Variants in CHODL observed in about 807,000 individuals in gnomAD.
CHODL encodes transmembrane protein MT75.
In CHODL, 29 loss-of-function variants were observed where a neutral mutation model predicts 34.5. The observed-to-expected ratio is 0.84, with a 90% confidence interval of 0.63 to 1.15. The LOEUF (loss-of-function observed/expected upper bound fraction) is 1.15, where lower values mean the gene tolerates loss of function less well. CHODL is among the 50% of genes most tolerant of loss of function. CHODL has a pLI of 0.00. For synonymous variants in CHODL, 125 were observed against 116.1 expected, an observed-to-expected ratio of 1.08 and a Z score of -0.49; for missense variants, 332 against 332.5, an observed-to-expected ratio of 1.00 and a Z score of 0.01.
At position 18,036,003 on chromosome 21, in the gene CHODL, T is replaced by C. The variant is rs148128469; in HGVS notation, c.-45+8032T>C. Among the ~76,000 whole-genome samples the C allele has an allele frequency of 5.2e-3, 784 of 152,144 alleles. 4 individuals carry two copies. The highest frequency in any genetic ancestry group is 9.1e-3 in the Non-Finnish European group (616 of 67,942). On this transcript the variant is annotated intron_variant, in intron 2 of 6. Transcript: ENST00000400127. Reference sequence around the variant, plus strand: ...TAATTCTTACTTGGCTGACAGACATTATACATTTTATCTTGATTATTTTTA... The same window carrying C: ...TAATTCTTACTTGGCTGACAGACATCATACATTTTATCTTGATTATTTTTA...
At chr21:18,114,894 G>C (rs1416711857) in intron 2 of CHODL, 3 of 152,310 alleles carry the variant, frequency 2.0e-5, no homozygotes, top group Non-Finnish European at 4.4e-5. Flanking sequence ...GACAATTGCA[G>C]ATGTGTGAGT....
intron 2 of CHODL, among the ~76,000 whole-genome samples, chr21:18,096,738 C>T (rs998526111): frequency 6.6e-6 from 1 of 152,156 alleles, no homozygotes; most frequent in Non-Finnish European, 1.5e-5. Flanking sequence ...TTTGCTCTGG[C>T]CTTGTGATCT....
chr21:18,122,761 CAAAT>C, intron 2 of CHODL, among the ~76,000 whole-genome samples: 1 of 152,274 alleles, frequency 6.6e-6, no homozygotes, highest in Admixed American at 6.5e-5. Context: ...ATGCGTTCAT[CAAAT>C]AAATCCTGTA....
chr21:18,246,085 C>A (rs2074138335), intron 1 of CHODL: 4 of 719,666 alleles, frequency 5.6e-6, no homozygotes, highest in Admixed American at 4.2e-5. Context: ...TGTCGTTGAG[C>A]GATTTATATT....
chr21:17,972,160 G>T (rs993187292), intron 1 of CHODL, among the ~76,000 whole-genome samples: 1 of 152,060 alleles, frequency 6.6e-6, no homozygotes, highest in Non-Finnish European at 1.5e-5. Flanking sequence ...AAAATAATAA[G>T]AGCTATTTAT....
intron 5 of CHODL, among the ~76,000 whole-genome samples, chr21:18,265,601 A>G (rs1024758783): frequency 8.5e-5 from 13 of 152,110 alleles, no homozygotes; most frequent in African/African-American, 2.9e-4. Flanking sequence ...GGGTGCACCA[A>G]AATTTCACAA....
intron 2 of CHODL, among the ~76,000 whole-genome samples, chr21:18,065,576 A>G (rs549941569): frequency 3.9e-5 from 6 of 152,282 alleles, no homozygotes; most frequent in Middle Eastern, 3.4e-3. Context: ...AAACATTACA[A>G]TCCTGGAGAT....
At position 18,244,967 on chromosome 21, in the gene CHODL, C is replaced by T; in HGVS notation, c.-257C>T. Reference sequence around the variant, plus strand: ...TCGCCTCTAGGACATACACGGGACCCCCTAACTTCAGTCCCCCAAACGCGC... The same window carrying T: ...TCGCCTCTAGGACATACACGGGACCTCCTAACTTCAGTCCCCCAAACGCGC... On this transcript the variant is annotated 5_prime_UTR_variant, in exon 1 of 6. Transcript: ENST00000299295. 2.3e-6 allele frequency: 1 copy of T among 441,510 alleles called. No individual in the cohort carries two copies. The highest frequency in any genetic ancestry group is 3.9e-5 in the East Asian group (1 of 25,644). The allele number at this position is 441,510 out of a possible 1,614,324, so 27.3% of individuals were successfully genotyped here.
At chr21:18,151,082 CAAAAAAAA>C (rs61176066) in intron 2 of CHODL, among the ~76,000 whole-genome samples, 282 of 122,948 alleles carry the variant, frequency 2.3e-3, no homozygotes, top group Middle Eastern at 8.8e-3. Context: ...GACTCTGTGT[CAAAAAAAA>C]AAAAAAAAAA....
chr21:18,217,496 C>A (rs1358358378), intron 2 of CHODL, among the ~76,000 whole-genome samples: 1 of 152,080 alleles, frequency 6.6e-6, no homozygotes, highest in Non-Finnish European at 1.5e-5. Flanking sequence ...AACTGCCCCC[C>A]CGACTCAATA....
At chr21:17,949,014 A>T (rs546243082) in intron 1 of CHODL, among the ~76,000 whole-genome samples, 1 of 152,296 alleles carries the variant, frequency 6.6e-6, no homozygotes, top group Non-Finnish European at 1.5e-5. Flanking sequence ...TTGGATATGG[A>T]GTTAGAATAC....
chr21:18,260,449 A>C (rs1298952167), intron 4 of CHODL, among the ~76,000 whole-genome samples, 163 bp downstream of exon 4: 1 of 152,218 alleles, frequency 6.6e-6, no homozygotes, highest in Non-Finnish European at 1.5e-5. Flanking sequence ...AATTATGCTA[A>C]GCTAGTATTT....
intron 1 of CHODL, among the ~76,000 whole-genome samples, chr21:17,961,763 G>C (rs2063533725): frequency 6.6e-6 from 1 of 152,152 alleles, no homozygotes; most frequent in African/African-American, 2.4e-5. Context: ...TTTTGTTAAA[G>C]ACTAATATAC....
intron 2 of CHODL, among the ~76,000 whole-genome samples, chr21:18,094,127 G>T (rs1160351380): frequency 1.3e-5 from 2 of 151,904 alleles, no homozygotes; most frequent in African/African-American, 2.4e-5. Context: ...AGACAAAAAA[G>T]GTCACTATAT....
chr21:17,974,631 C>T (rs158610), intron 1 of CHODL, among the ~76,000 whole-genome samples: 36,163 of 151,748 alleles, frequency 0.24, 4,652 homozygotes, highest in Non-Finnish European at 0.3. Context: ...TATTGAAAAA[C>T]GAAGTAAAAG....
chr21:18,001,767 C>T (rs2063908533), intron 1 of CHODL, among the ~76,000 whole-genome samples: 1 of 137,986 alleles, frequency 7.2e-6, no homozygotes, highest in Non-Finnish European at 1.5e-5. Context: ...ACGTTGGCCT[C>T]ATCCTCTTTT....
intron 2 of CHODL, among the ~76,000 whole-genome samples, chr21:18,036,502 A>C (rs1224568688): frequency 6.6e-6 from 1 of 152,014 alleles, no homozygotes; most frequent in African/African-American, 2.4e-5. Context: ...CAGGAAGACC[A>C]CTGGGTTCTG....
chr21:18,262,283 C>T (rs9978699), intron 4 of CHODL, among the ~76,000 whole-genome samples: 94,448 of 151,990 alleles, frequency 0.62, 30,401 homozygotes, highest in African/African-American at 0.74. Context: ...ACAATGGGGA[C>T]ATGTTCTGAG....
chr21:17,979,859 A>G (rs1285533524), intron 1 of CHODL, among the ~76,000 whole-genome samples: 1 of 152,212 alleles, frequency 6.6e-6, no homozygotes, highest in Non-Finnish European at 1.5e-5. Context: ...AGGTCTTTAC[A>G]TCTGGAATAA....
Sources: gnomAD v4.1 joint callset for allele counts (sites outside exome capture counted in the v4.1 genomes callset) on GRCh38, gnomAD v4.1.1 for gene constraint, MANE v1.5 for transcripts, NCBI Gene and HGNC (gene_info 2026-07-23, HGNC 2026-07-21) for gene names.